The following PTPRD variants were observed in gnomAD, a reference collection of about 807,000 sequenced individuals.
The protein encoded by PTPRD is protein tyrosine phosphatase receptor type D.
In PTPRD, 34 loss-of-function variants were observed where a neutral mutation model predicts 214.5. The observed-to-expected ratio is 0.16, with a 90% CI of 0.12 to 0.21. The LOEUF is 0.21. Among genes scored for constraint, PTPRD ranks in the 10% least tolerant of loss-of-function variants. The pLI is 1.00. For missense variants in PTPRD, 2,545 were observed against 2,398.7 expected, an observed-to-expected ratio of 1.06 and a Z score of -1.27; for synonymous variants, 1,128 against 845.7, an observed-to-expected ratio of 1.33 and a Z score of -5.79.
intron 3 of PTPRD, among the ~76,000 whole-genome samples, chr9:10,163,611 G>C (rs907658647): frequency 6.6e-6 from 1 of 151,258 alleles, no homozygotes; most frequent in Admixed American, 6.6e-5. Flanking sequence ...ATAGATCAAA[G>C]ACAAGATTGA....
intron 7 of PTPRD, among the ~76,000 whole-genome samples, chr9:9,661,700 T>C (rs1241533945): frequency 6.6e-6 from 1 of 151,838 alleles, no homozygotes; most frequent in Non-Finnish European, 1.5e-5. Context: ...AGGTTTGACA[T>C]ACAACATGAT....
At chr9:9,264,109 A>T (rs1174916361) in intron 9 of PTPRD, among the ~76,000 whole-genome samples, 1 of 151,788 alleles carries the variant, frequency 6.6e-6, no homozygotes, top group African/African-American at 2.4e-5. Context: ...ACAATGGAAG[A>T]CTTCAAGGAT....
At chr9:10,539,454 G>C (rs1054386913) in intron 2 of PTPRD, among the ~76,000 whole-genome samples, 3 of 152,128 alleles carry the variant, frequency 2.0e-5, no homozygotes, top group Non-Finnish European at 2.9e-5. Context: ...CAAAGTGCTG[G>C]GATTACAGGC....
In PTPRD at chr9:9,479,225, C is replaced by CA. The variant is rs2095282872; in HGVS notation, c.-236-81744_-236-81743insT. Among the ~76,000 whole-genome samples the CA allele has an allele frequency of 8.1e-5, 7 of 86,944 alleles. 1 individual carries two copies. The highest frequency in any genetic ancestry group is 1.3e-4 in the African/African-American group (3 of 23,600). 57.0% of individuals were successfully genotyped at this position (86,944 alleles called of 152,430 possible). Reference sequence around the variant, plus strand: ...TACATACACACACACGCCCCCCCCCCCCCCACACACACACCCACCTCTAGC... The same window carrying CA: ...TACATACACACACACGCCCCCCCCCCACCCCACACACACACCCACCTCTAGC... On this transcript the variant is annotated intron_variant, in intron 8 of 45. Coordinates refer to ENST00000381196, the MANE Select transcript of PTPRD (RefSeq NM_002839.4).
intron 11 of PTPRD, among the ~76,000 whole-genome samples, chr9:8,954,407 G>T (rs1338795519): frequency 6.6e-6 from 1 of 151,616 alleles, no homozygotes; most frequent in South Asian, 2.1e-4. Flanking sequence ...TTACTACCTG[G>T]GTTACAATTT....
intron 3 of PTPRD, among the ~76,000 whole-genome samples, chr9:10,273,957 T>C (rs902843249): frequency 1.4e-5 from 2 of 141,480 alleles, no homozygotes; most frequent in African/African-American, 4.9e-5. Flanking sequence ...AGCTATGTAA[T>C]GTAGTTTTTA....
At chr9:9,653,879 A>G (rs2096442085) in intron 7 of PTPRD, among the ~76,000 whole-genome samples, 1 of 152,176 alleles carries the variant, frequency 6.6e-6, no homozygotes, top group Non-Finnish European at 1.5e-5. Flanking sequence ...GAAAGTCTTG[A>G]AATCTATTAT....
At chr9:8,927,502 T>C (rs1322454596) in intron 11 of PTPRD, among the ~76,000 whole-genome samples, 1 of 152,192 alleles carries the variant, frequency 6.6e-6, no homozygotes, top group Non-Finnish European at 1.5e-5. Context: ...AATGATGGTT[T>C]CCAGCTTCAT....
In PTPRD at chr9:9,859,083, A is replaced by C. The variant is rs1323794; in HGVS notation, c.-368+79424T>G. On this transcript the variant is annotated intron_variant, in intron 5 of 45. Transcript: ENST00000381196. ...TCTCGTGACAGTGAGTTCTCAAAAAAGGGCTGATGATTTTAAAGTGCAGCA... is the reference window on the plus strand; with the variant it reads ...TCTCGTGACAGTGAGTTCTCAAAAACGGGCTGATGATTTTAAAGTGCAGCA... 5.5e-3 allele frequency among the ~76,000 whole-genome samples: 830 copies of C among 152,010 alleles called. 11 individuals are homozygous for C. The highest frequency in any genetic ancestry group is 0.019 in the African/African-American group (802 of 41,416).
At chr9:8,578,753 T>G (rs981711326) in intron 14 of PTPRD, among the ~76,000 whole-genome samples, 20 of 152,238 alleles carry the variant, frequency 1.3e-4, no homozygotes, top group Non-Finnish European at 2.8e-4. Flanking sequence ...ACAGGATGTC[T>G]GCATATAATA....
chr9:8,478,656 T>G (rs1274569846), intron 30 of PTPRD, among the ~76,000 whole-genome samples: 1 of 152,184 alleles, frequency 6.6e-6, no homozygotes, highest in African/African-American at 2.4e-5. Flanking sequence ...TCCCCAAATC[T>G]ACTTAAATAG....
rs532472460 is a variant in PTPRD at position 10,431,271 on chromosome 9, T to C, written c.-599-90254A>G. On this transcript the variant is annotated intron_variant, in intron 2 of 45. Transcript: ENST00000381196. ...AACTGGATCCCTTCCTTACACTTTA[T>C]GCAAAAATCAATTCAAGATGGATTA... Among the ~76,000 whole-genome samples the C allele has an allele frequency of 5.3e-5, 8 of 152,200 alleles. No homozygotes were observed. In the East Asian group the frequency reaches 7.7e-4, roughly 15 times the overall value.
At chr9:10,066,920 T>C (rs1032116784) in intron 3 of PTPRD, among the ~76,000 whole-genome samples, 8 of 151,736 alleles carry the variant, frequency 5.3e-5, no homozygotes, top group African/African-American at 1.9e-4. Context: ...ATCTCACTCC[T>C]TGTCTAAACT....
intron 11 of PTPRD, among the ~76,000 whole-genome samples, chr9:9,008,386 C>T (rs2099491616): frequency 6.6e-6 from 1 of 151,740 alleles, no homozygotes; most frequent in Non-Finnish European, 1.5e-5. Flanking sequence ...CGCCACCACA[C>T]CCGGCTAATT....
intron 8 of PTPRD, among the ~76,000 whole-genome samples, chr9:9,541,151 C>T: frequency 6.6e-6 from 1 of 151,810 alleles, no homozygotes; most frequent in East Asian, 2.0e-4. Flanking sequence ...CACTATGAAC[C>T]AACTTTCCTA....
intron 8 of PTPRD, among the ~76,000 whole-genome samples, chr9:9,557,130 A>G (rs1195641991): frequency 1.3e-5 from 2 of 152,168 alleles, no homozygotes. Context: ...GTAAACCAAA[A>G]ACAAAATTAT....
chr9:9,056,222 G>A (rs945867485), intron 10 of PTPRD, among the ~76,000 whole-genome samples: 12 of 152,096 alleles, frequency 7.9e-5, no homozygotes, highest in African/African-American at 2.7e-4. Context: ...ACTTTACAAG[G>A]AATAATGCGT....
At chr9:9,066,423 T>G (rs1321387636) in intron 10 of PTPRD, among the ~76,000 whole-genome samples, 1 of 152,224 alleles carries the variant, frequency 6.6e-6, no homozygotes, top group Non-Finnish European at 1.5e-5. Context: ...TGGCCATCTT[T>G]TAATTAAATT....
rs932551488 is a variant in PTPRD at position 10,023,970 on chromosome 9, T to C, written c.-472+9748A>G. Among the ~76,000 whole-genome samples the C allele has an allele frequency of 2.7e-5, 4 of 149,800 alleles. No homozygotes were observed. In the South Asian group the frequency reaches 6.2e-4, roughly 23 times the overall value. On this transcript the variant is annotated intron_variant, in intron 4 of 45. Coordinates refer to ENST00000381196, the MANE Select transcript of PTPRD (RefSeq NM_002839.4). ...ACAATGACAGCTTTAATTGATATGC[T>C]CTAATTATTTTGGTTTAAATTAAAT...
Sources: gnomAD v4.1 joint callset for allele counts (sites outside exome capture counted in the v4.1 genomes callset) on GRCh38, gnomAD v4.1.1 for gene constraint, MANE v1.5 for transcripts, NCBI Gene and HGNC (gene_info 2026-07-23, HGNC 2026-07-21) for gene names.